Variants in GRM7 observed in about 807,000 individuals in gnomAD.
The protein encoded by GRM7 is metabotropic glutamate receptor 7.
GRM7 carries 35 observed loss-of-function variants against 84.5 expected under a neutral mutation model. The ratio of observed to expected loss-of-function variants is 0.41; its 90% CI spans 0.32 to 0.55. The LOEUF (loss-of-function observed/expected upper bound fraction) is 0.55. Ranked by LOEUF, GRM7 falls within the 20% of genes least tolerant of loss-of-function variation. GRM7 has a pLI of 0.19. For synonymous variants in GRM7, 487 were observed against 455.1 expected, an observed-to-expected ratio of 1.07 and a Z score of -0.89; for missense variants, 1,003 against 1,194.6, an observed-to-expected ratio of 0.84 and a Z score of 2.36.
At chr3:7,604,841 C>T (rs1324442453) in intron 8 of GRM7, among the ~76,000 whole-genome samples, 2 of 152,110 alleles carry the variant, frequency 1.3e-5, no homozygotes, top group Admixed American at 6.6e-5. Flanking sequence ...AGAAATCAGA[C>T]GTCCTTTGCA....
chr3:7,324,617 C>T (rs189744834), intron 4 of GRM7, among the ~76,000 whole-genome samples: 1 of 152,268 alleles, frequency 6.6e-6, no homozygotes, highest in East Asian at 1.9e-4. Context: ...ATAATAGTCA[C>T]ATACTAGCAA....
At chr3:6,937,734 C>T (rs1370431530) in intron 1 of GRM7, among the ~76,000 whole-genome samples, 2 of 152,114 alleles carry the variant, frequency 1.3e-5, no homozygotes. Flanking sequence ...GGAAGATTTG[C>T]AAGAAATGCT....
intron 1 of GRM7, among the ~76,000 whole-genome samples, chr3:6,992,887 A>G (rs1340524309): frequency 2.0e-5 from 3 of 152,238 alleles, no homozygotes; most frequent in African/African-American, 7.2e-5. Flanking sequence ...CAATGAGACA[A>G]TGCAGCACCC....
chr3:7,138,461 A>G (rs1254103063), intron 1 of GRM7, among the ~76,000 whole-genome samples: 1 of 151,958 alleles, frequency 6.6e-6, no homozygotes, highest in Non-Finnish European at 1.5e-5. Context: ...ATAAATACAT[A>G]ATCACTTTAT....
intron 4 of GRM7, among the ~76,000 whole-genome samples, chr3:7,367,270 T>C (rs200181506): frequency 8.0e-4 from 121 of 152,010 alleles, no homozygotes; most frequent in African/African-American, 2.9e-3. Context: ...GCTTATTCTG[T>C]ATGTACGACA....
chr3:6,956,683 C>T (rs936954867), intron 1 of GRM7: 3 of 454,580 alleles, frequency 6.6e-6, no homozygotes, highest in Admixed American at 2.4e-5. Context: ...ATGAATCTCT[C>T]GCAACTCCAA....
intron 9 of GRM7, among the ~76,000 whole-genome samples, chr3:7,728,718 T>C (rs754501956): frequency 1.8e-4 from 27 of 152,322 alleles, no homozygotes; most frequent in Middle Eastern, 3.4e-3. Context: ...GGTTTAATTA[T>C]TAACTTAATG....
At chr3:7,658,852 CT>C (rs1699312892) in intron 8 of GRM7, among the ~76,000 whole-genome samples, 1 of 152,052 alleles carries the variant, frequency 6.6e-6, no homozygotes, top group African/African-American at 2.4e-5. Flanking sequence ...TGCTTTTCAG[CT>C]TTTTTTACAT....
At chr3:7,229,754 TA>T (rs1213540983) in intron 2 of GRM7, among the ~76,000 whole-genome samples, 1 of 33,246 alleles carries the variant, frequency 3.0e-5, no homozygotes, top group Non-Finnish European at 6.3e-5. Flanking sequence ...TATATATATA[TA>T]TATATTTTTT....
chr3:7,733,742 A>C (rs1401183547), intron 9 of GRM7, among the ~76,000 whole-genome samples: 5 of 152,096 alleles, frequency 3.3e-5, no homozygotes, highest in Admixed American at 3.3e-4. Context: ...AGTTTTATTT[A>C]TTGAAGTAAT....
At chr3:7,397,552 A>T (rs893831286) in intron 4 of GRM7, among the ~76,000 whole-genome samples, 1 of 152,158 alleles carries the variant, frequency 6.6e-6, no homozygotes, top group South Asian at 2.1e-4. Context: ...AAGGAGTGGA[A>T]TTTGAGTGTT....
chr3:7,481,077 GT>G (rs59737850), intron 7 of GRM7, among the ~76,000 whole-genome samples: 19,503 of 146,026 alleles, frequency 0.13, 3,472 homozygotes, highest in African/African-American at 0.41. Flanking sequence ...GTCTTTATTG[GT>G]TTTTTTTTTT....
At chr3:7,624,070 G>A (rs1697492465) in intron 8 of GRM7, among the ~76,000 whole-genome samples, 2 of 152,138 alleles carry the variant, frequency 1.3e-5, no homozygotes, top group African/African-American at 4.8e-5. Flanking sequence ...AAAACGCATT[G>A]AACTTAGGTC....
At position 7,579,118 on chromosome 3, in the gene GRM7, A is replaced by G. The variant is rs138662977; in HGVS notation, c.2212A>G (p.Met738Val). 1.4e-4 allele frequency: 223 copies of G among 1,613,956 alleles called. 1 individual carries two copies. The African/African-American group carries it at 1.6e-3, about 11-fold the overall frequency. Residue 738 changes from methionine (M) to valine (V), a missense_variant, in exon 8 of 10, where the codon ATG becomes GTG. Transcript: ENST00000357716. Reference protein sequence around the residue: ...IIIDYDEHKTMNPEQARGVLK... With the variant: ...IIIDYDEHKTVNPEQARGVLK... ...CATAGACTATGATGAACACAAGACA[A>G]TGAACCCTGAGCAAGCCAGAGGGGT...
At chr3:7,633,456 C>T (rs1173699090) in intron 8 of GRM7, among the ~76,000 whole-genome samples, 6 of 151,952 alleles carry the variant, frequency 3.9e-5, no homozygotes, top group South Asian at 2.1e-4. Flanking sequence ...CATACACTGC[C>T]GCAAAAGAGG....
intron 4 of GRM7, among the ~76,000 whole-genome samples, chr3:7,318,645 A>G (rs1478410979): frequency 1.3e-5 from 2 of 151,832 alleles, no homozygotes; most frequent in Admixed American, 1.3e-4. Flanking sequence ...AAAACCCTCT[A>G]AATAAGATGG....
intron 7 of GRM7, among the ~76,000 whole-genome samples, chr3:7,547,873 C>A (rs1157394204): frequency 6.6e-6 from 1 of 152,206 alleles, no homozygotes; most frequent in Non-Finnish European, 1.5e-5. Context: ...ACAGTGGACT[C>A]AACAGCAAGT....
chr3:7,294,935 A>T lies in GRM7; in HGVS notation c.737-3749A>T, dbSNP rs981687800. On this transcript the variant is annotated intron_variant, in intron 2 of 9. Coordinates refer to ENST00000357716, the MANE Select transcript of GRM7 (RefSeq NM_000844.4). ...GGATACATTCTTTTATCAAACATAT[A>T]CTTTTAACCAAGTGTCTGGCTTGTG... Among the ~76,000 whole-genome samples, 3 of 152,224 alleles carry T rather than the reference A, an allele frequency of 2.0e-5. No individual in the cohort carries two copies. In the East Asian group the frequency reaches 5.8e-4, roughly 29 times the overall value.
At chr3:6,987,004 C>T (rs1375549916) in intron 1 of GRM7, among the ~76,000 whole-genome samples, 1 of 152,210 alleles carries the variant, frequency 6.6e-6, no homozygotes, top group Non-Finnish European at 1.5e-5. Context: ...CTCTGTTACT[C>T]AGTTAATTCA....
Sources: gnomAD v4.1 joint callset for allele counts (sites outside exome capture counted in the v4.1 genomes callset) on GRCh38, gnomAD v4.1.1 for gene constraint, MANE v1.5 for transcripts, NCBI Gene and HGNC (gene_info 2026-07-23, HGNC 2026-07-21) for gene names.